WSCD2: variants seen among roughly 807,000 people sequenced by gnomAD.
WSCD2 encodes WSC domain sialate O sulfotransferase 2.
A neutral mutation model predicts 55.7 loss-of-function variants in WSCD2; 28 were observed. The ratio of observed to expected loss-of-function variants is 0.50; its 90% CI spans 0.37 to 0.69. The LOEUF (loss-of-function observed/expected upper bound fraction) is 0.69, where lower values mean the gene tolerates loss of function less well. Among genes scored for constraint, WSCD2 ranks in the 30% least tolerant of loss-of-function variants. WSCD2 has a pLI of 0.00. For missense variants in WSCD2, 616 were observed against 762.1 expected, an observed-to-expected ratio of 0.81 and a Z score of 2.26; for synonymous variants, 301 against 301.9, an observed-to-expected ratio of 1.00 and a Z score of 0.03.
At chr12:108,143,862 G>C (rs138240363) in intron 1 of WSCD2, among the ~76,000 whole-genome samples, 1 of 152,288 alleles carries the variant, frequency 6.6e-6, no homozygotes, top group East Asian at 1.9e-4. Flanking sequence ...AGCTGTGATG[G>C]CACCAGGGAT....
chr12:108,229,216 G>A (rs1362755082), intron 6 of WSCD2, among the ~76,000 whole-genome samples: 1 of 152,214 alleles, frequency 6.6e-6, no homozygotes, highest in Non-Finnish European at 1.5e-5. Flanking sequence ...AGCACCTACT[G>A]TGTGCTAAGC....
chr12:108,227,555 G>A (rs1888247374), intron 6 of WSCD2, among the ~76,000 whole-genome samples: 1 of 152,204 alleles, frequency 6.6e-6, no homozygotes, highest in South Asian at 2.1e-4. Context: ...GGCCTCCAGT[G>A]TTCCTTCCAA....
At chr12:108,184,157 C>A (rs1882153681) in intron 1 of WSCD2, among the ~76,000 whole-genome samples, 1 of 152,182 alleles carries the variant, frequency 6.6e-6, no homozygotes, top group Non-Finnish European at 1.5e-5. Flanking sequence ...AGTCCTCCCT[C>A]CTGCTTTGAT....
intron 1 of WSCD2, among the ~76,000 whole-genome samples, chr12:108,166,761 T>TTTCTCTTTCTTTCTTTCTTTC (rs10680980): frequency 8.0e-6 from 1 of 124,820 alleles, no homozygotes; most frequent in African/African-American, 3.1e-5. Flanking sequence ...TCTTTCTTTC[T>TTTCTCTTTCTTTCTTTCTTTC]TTTCTTTCTT....
intron 1 of WSCD2, among the ~76,000 whole-genome samples, chr12:108,155,175 G>A (rs1878394411): frequency 6.6e-6 from 1 of 152,200 alleles, no homozygotes; most frequent in Non-Finnish European, 1.5e-5. Flanking sequence ...GATATGATAA[G>A]GTTTTGCTAT....
chr12:108,211,766 G>A (rs926660137), intron 4 of WSCD2, among the ~76,000 whole-genome samples: 2 of 150,384 alleles, frequency 1.3e-5, no homozygotes, highest in Non-Finnish European at 3.0e-5. Context: ...CAATTCTCCT[G>A]CCTCAGCCTC....
intron 3 of WSCD2, among the ~76,000 whole-genome samples, chr12:108,207,045 TAAG>T (rs879646528): frequency 1.3e-5 from 2 of 152,180 alleles, no homozygotes; most frequent in Non-Finnish European, 2.9e-5. Context: ...TTTTCCAATC[TAAG>T]AAGACAACGA....
chr12:108,141,540 T>A (rs972601552), intron 1 of WSCD2, among the ~76,000 whole-genome samples: 5 of 152,198 alleles, frequency 3.3e-5, no homozygotes, highest in African/African-American at 1.2e-4. Flanking sequence ...CTGCCCATAT[T>A]CCTTGGTTCA....
chr12:108,215,115 G>C (rs1886674706), intron 4 of WSCD2, among the ~76,000 whole-genome samples: 1 of 152,204 alleles, frequency 6.6e-6, no homozygotes, highest in African/African-American at 2.4e-5. Context: ...TAATTCATAT[G>C]GGACCCCATG....
intron 8 of WSCD2, among the ~76,000 whole-genome samples, chr12:108,245,417 G>A (rs1190661517): frequency 2.0e-5 from 3 of 152,196 alleles, no homozygotes; most frequent in Non-Finnish European, 2.9e-5. Flanking sequence ...CTCAGACAGA[G>A]GCACCTGGTG....
At position 108,232,743 on chromosome 12, in the gene WSCD2, T is replaced by C; in HGVS notation, c.992T>C (p.Met331Thr). Reference sequence around the variant, plus strand: ...CCGCCCTTTTCAGACAACCGTTGCATGGACAGAAGGTTCCTGCCAGGCAAG... The same window carrying C: ...CCGCCCTTTTCAGACAACCGTTGCACGGACAGAAGGTTCCTGCCAGGCAAG... ...YQTQVQDNRC[M>T]DRRFLPGKSK... Residue 331 changes from methionine (M) to threonine (T), a missense_variant, in exon 7 of 9, where the codon ATG becomes ACG. By Grantham distance (81) the Met-to-Thr change is moderately conservative. Around this residue, in one of 3 missense-constraint regions of WSCD2, gnomAD observed 374 missense variants for 467.4 expected, o/e 0.80. Coordinates refer to ENST00000547525, the MANE Select transcript of WSCD2 (RefSeq NM_014653.4). 2 of 1,612,492 alleles carry C rather than the reference T, an allele frequency of 1.2e-6. No individual in the cohort carries two copies. The highest frequency in any genetic ancestry group is 1.1e-5 in the South Asian group (1 of 90,988).
rs879820188 is a variant in WSCD2, at chr12:108,249,112, ACCTC to A, written c.*770_*773del. ...GAGATCCTGATACCACCTTCAAGGA[ACCTC>A]AGGCACCAACAGTGAGCCCACGAGG... On this transcript the variant is annotated 3_prime_UTR_variant, in exon 9 of 9. Transcript: ENST00000547525. 0.057 allele frequency: 9,823 copies of A among 173,174 alleles called. 386 individuals are homozygous for A. Among genetic ancestry groups the A allele is most frequent in the African/African-American group, 0.11 (4,789 of 41,892 alleles). 10.7% of individuals were successfully genotyped at this position (173,174 alleles called of 1,614,324 possible). A position where few individuals can be genotyped will look rare whatever the true frequency, so the allele number is the denominator to read the frequency against.
At chr12:108,212,611 T>TCACACACAGACACACA (rs1290412170) in intron 4 of WSCD2, among the ~76,000 whole-genome samples, 1 of 110,722 alleles carries the variant, frequency 9.0e-6, no homozygotes, top group African/African-American at 3.6e-5. Context: ...TCTCTCTCTC[T>TCACACACAGACACACA]CTCACACACA....
At chr12:108,133,753 C>A (rs1303784768) in intron 1 of WSCD2, among the ~76,000 whole-genome samples, 1 of 152,152 alleles carries the variant, frequency 6.6e-6, no homozygotes, top group Non-Finnish European at 1.5e-5. Context: ...CCTGCCCCCG[C>A]CTCCCTCACC....
At chr12:108,188,515 C>T (rs1164523356) in intron 1 of WSCD2, among the ~76,000 whole-genome samples, 1 of 152,084 alleles carries the variant, frequency 6.6e-6, no homozygotes, top group African/African-American at 2.4e-5. Context: ...CAAAAGCCTT[C>T]CCTAGGGTTA....
At chr12:108,149,420 C>T (rs766956826) in intron 1 of WSCD2, among the ~76,000 whole-genome samples, 5 of 152,214 alleles carry the variant, frequency 3.3e-5, no homozygotes, top group Non-Finnish European at 7.3e-5. Context: ...CATTTTACCA[C>T]TCTCCCTTTT....
chr12:108,168,188 T>C (rs1178666370), intron 1 of WSCD2, among the ~76,000 whole-genome samples: 1 of 152,226 alleles, frequency 6.6e-6, no homozygotes, highest in Non-Finnish European at 1.5e-5. Context: ...GTAGCTATTT[T>C]GGGCTCCTGC....
chr12:108,186,519 C>T lies in WSCD2; in HGVS notation c.-551-8763C>T, dbSNP rs528328812. Among the ~76,000 whole-genome samples the T allele has an allele frequency of 1.4e-4, 22 of 152,342 alleles. No individual in the cohort carries two copies. In the South Asian group the frequency reaches 3.5e-3, roughly 24 times the overall value. On this transcript the variant is annotated intron_variant, in intron 1 of 8. Coordinates refer to ENST00000547525, the MANE Select transcript of WSCD2 (RefSeq NM_014653.4). ...TCCTATACTCTACCTACTCACCCTC[C>T]CTCTAGCCCTCAGCAACCACTGATC... is the stretch of plus-strand genomic sequence containing the variant.
intron 6 of WSCD2, among the ~76,000 whole-genome samples, chr12:108,228,903 T>C (rs1888428487): frequency 6.6e-6 from 1 of 152,170 alleles, no homozygotes; most frequent in Non-Finnish European, 1.5e-5. Flanking sequence ...TTCGGGGAAG[T>C]GCTGGTTAGT....
Sources: gnomAD v4.1 joint callset for allele counts (sites outside exome capture counted in the v4.1 genomes callset) on GRCh38, gnomAD v4.1.1 for gene constraint, gnomAD v4.1.1 regional missense constraint, MANE v1.5 for transcripts, NCBI Gene and HGNC (gene_info 2026-07-23, HGNC 2026-07-21) for gene names.